GPAT3: variants seen among roughly 807,000 people sequenced by gnomAD.
GPAT3 encodes glycerol-3-phosphate acyltransferase 3.
GPAT3 carries 53 observed loss-of-function variants against 58.8 expected under a neutral mutation model. The observed-to-expected ratio is 0.90, with a 90% CI of 0.72 to 1.13. The LOEUF (loss-of-function observed/expected upper bound fraction) is 1.13. Ranked by LOEUF, GPAT3 falls within the 50% of genes most tolerant of loss-of-function variation. The pLI, the probability that GPAT3 is intolerant of heterozygous loss-of-function variation, is 0.00. For synonymous variants in GPAT3, 197 were observed against 187.4 expected (o/e 1.05, Z -0.42); for missense variants, 511 against 527.6 (o/e 0.97, Z 0.31).
At chr4:83,566,763 C>CT (rs894438318) in intron 2 of GPAT3, among the ~76,000 whole-genome samples, 2 of 143,462 alleles carry the variant, frequency 1.4e-5, no homozygotes, top group African/African-American at 2.5e-5. Context: ...TTTAGATTTT[C>CT]TTTTTTTTTC....
chr4:83,588,474 G>A (rs1726471195), intron 5 of GPAT3, among the ~76,000 whole-genome samples, 175 bp downstream of exon 5: 1 of 152,196 alleles, frequency 6.6e-6, no homozygotes. Context: ...AAATAGCAGT[G>A]TTTGCAGAAA....
intron 2 of GPAT3, 132 bp from the exon 3 acceptor site, chr4:83,581,429 GA>G: frequency 1.1e-6 from 1 of 932,696 alleles, no homozygotes; most frequent in Non-Finnish European, 1.6e-6. Flanking sequence ...TCTTACTTCT[GA>G]AGATGGCTGA....
At chr4:83,587,926 A>C (rs1726441384) in intron 4 of GPAT3, among the ~76,000 whole-genome samples, 1 of 152,206 alleles carries the variant, frequency 6.6e-6, no homozygotes, top group African/African-American at 2.4e-5. Context: ...AAGACCAAAG[A>C]AGCTTCACTT....
rs1727217078 is a variant in GPAT3 at position 83,605,385 on chromosome 4, C to T, written c.*618C>T. 1 of 152,180 alleles carries T rather than the reference C, an allele frequency of 6.6e-6. No individual in the cohort carries two copies. The highest frequency in any genetic ancestry group is 2.1e-4 in the South Asian group (1 of 4,814). The allele number at this position is 152,180 out of a possible 1,614,324, so 9.4% of individuals were successfully genotyped here. On this transcript the variant is annotated 3_prime_UTR_variant, in exon 12 of 12. Transcript: ENST00000264409. ...GTGAGTCAAAGTTAATGTGTGTGCG[C>T]ATTTATATGTAGGCAGCTCGTAGAC...
upstream of GPAT3, chr4:83,535,734 T>C (rs1359954168): frequency 2.0e-6 from 2 of 985,130 alleles, no homozygotes; most frequent in Non-Finnish European, 2.4e-6. Context: ...CTGTAGGCCA[T>C]GTGGGGAAGG....
chr4:83,582,432 G>C (rs559852035), intron 3 of GPAT3, among the ~76,000 whole-genome samples: 3 of 152,320 alleles, frequency 2.0e-5, no homozygotes, highest in African/African-American at 7.2e-5. Context: ...GTCAAGCCTA[G>C]TTTATGGAAA....
chr4:83,587,512 C>T (rs921300439), intron 4 of GPAT3, among the ~76,000 whole-genome samples, 183 bp downstream of exon 4: 1 of 152,126 alleles, frequency 6.6e-6, no homozygotes. Context: ...CTGCAACCTC[C>T]GCCTCCTGGG....
chr4:83,536,707 G>C lies in GPAT3; in HGVS notation c.85G>C (p.Gly29Arg), dbSNP rs760650289. The C allele has an allele frequency of 1.1e-5, 18 of 1,575,954 alleles. No individual in the cohort carries two copies. Among genetic ancestry groups the C allele is most frequent in the Non-Finnish European group, 1.5e-5 (18 of 1,161,682 alleles). Residue 29 changes from glycine (G) to arginine (R), a missense_variant, in exon 1 of 12, where the codon GGA becomes CGA. Gly to Arg is a moderately radical substitution (Grantham distance 125). Transcript: ENST00000264409. ...LGFILLPSVF[G>R]VSLGISEIYM... ...CTTCATCCTTTTACCTTCGGTCTTC[G>C]GAGTGTCTCTGGGCATCTCCGAGAT...
At chr4:83,593,247 C>A (rs1419791208) in intron 6 of GPAT3, among the ~76,000 whole-genome samples, 2 of 145,506 alleles carry the variant, frequency 1.4e-5, no homozygotes, top group South Asian at 2.3e-4. Flanking sequence ...TCACTGCAAC[C>A]TCTGCCTCCC....
intron 2 of GPAT3, among the ~76,000 whole-genome samples, chr4:83,547,370 A>G (rs935945612): frequency 6.8e-6 from 1 of 146,342 alleles, no homozygotes; most frequent in Non-Finnish European, 1.5e-5. Flanking sequence ...CTCCTGCCTC[A>G]GCCTCCCGAG....
chr4:83,585,435 A>G (rs1339826436), intron 3 of GPAT3, among the ~76,000 whole-genome samples: 3 of 151,402 alleles, frequency 2.0e-5, no homozygotes, highest in Non-Finnish European at 4.4e-5. Flanking sequence ...ATTTCAAAAT[A>G]CTGTATTTTT....
Position 83,594,924 on chromosome 4 carries a change from G to A in GPAT3, c.818G>A (p.Arg273His), listed in dbSNP as rs771440613. 10 of 1,613,748 alleles carry A rather than the reference G, an allele frequency of 6.2e-6. No individual in the cohort carries two copies. The highest frequency in any genetic ancestry group is 4.0e-5 in the African/African-American group (3 of 74,866). Residue 273 changes from arginine (R) to histidine (H), a missense_variant, in exon 7 of 12, where the codon CGC becomes CAC. Coordinates refer to ENST00000264409, the MANE Select transcript of GPAT3 (RefSeq NM_032717.5). The part of the protein sequence containing the change: ...VKACPHVWFE[R>H]SEMKDRHLVT... ...GCTTGTCCTCATGTCTGGTTTGAACGCTCAGAAATGAAGGATCGACACCTG... is the reference window on the plus strand; with the variant it reads ...GCTTGTCCTCATGTCTGGTTTGAACACTCAGAAATGAAGGATCGACACCTG...
intron 2 of GPAT3, among the ~76,000 whole-genome samples, chr4:83,572,735 C>A (rs991112923): frequency 2.0e-5 from 3 of 152,134 alleles, no homozygotes; most frequent in Admixed American, 6.5e-5. Context: ...TTACGCTTAA[C>A]TAAATTAATA....
intron 3 of GPAT3, among the ~76,000 whole-genome samples, chr4:83,585,860 T>C (rs1327381655): frequency 6.6e-6 from 1 of 152,228 alleles, no homozygotes; most frequent in Non-Finnish European, 1.5e-5. Context: ...CTGCTGGGAT[T>C]GTAGCCGTGA....
chr4:83,578,875 T>TCCTC (rs1725917105), intron 2 of GPAT3, among the ~76,000 whole-genome samples: 1 of 148,256 alleles, frequency 6.7e-6, no homozygotes, highest in Non-Finnish European at 1.5e-5. Flanking sequence ...CTTCCTTCCT[T>TCCTC]CCCTCCCTTC....
chr4:83,597,763 G>A (rs1726900450), intron 9 of GPAT3, among the ~76,000 whole-genome samples: 1 of 152,120 alleles, frequency 6.6e-6, no homozygotes, highest in African/African-American at 2.4e-5. Context: ...AACAGATTCT[G>A]TTCCTGCTTT....
intron 11 of GPAT3, among the ~76,000 whole-genome samples, chr4:83,601,203 T>C (rs1192127251): frequency 6.6e-6 from 1 of 152,242 alleles, no homozygotes; most frequent in African/African-American, 2.4e-5. Flanking sequence ...GTTGTTTCTT[T>C]ATAATGTTGA....
chr4:83,539,585 C>T (rs1400276412), intron 1 of GPAT3, among the ~76,000 whole-genome samples: 2 of 152,154 alleles, frequency 1.3e-5, no homozygotes, highest in Non-Finnish European at 2.9e-5. Context: ...GAACTTTATG[C>T]TCTTCTCTGA....
intron 2 of GPAT3, among the ~76,000 whole-genome samples, chr4:83,550,953 G>T (rs1033976821): frequency 1.3e-5 from 2 of 152,216 alleles, no homozygotes; most frequent in Admixed American, 6.5e-5. Flanking sequence ...TGATTGTTAG[G>T]TTAGTCATCT....
Sources: allele counts gnomAD v4.1 joint callset (sites outside exome capture counted in the v4.1 genomes callset), GRCh38; gene constraint gnomAD v4.1.1; transcripts MANE v1.5; gene names NCBI Gene and HGNC (gene_info 2026-07-23, HGNC 2026-07-21).